The following ZNF396 variants were observed in gnomAD, a reference collection of about 807,000 sequenced individuals.
The protein encoded by ZNF396 is zinc finger and SCAN domain-containing protein 14.
Under a neutral mutation model 20.5 loss-of-function variants are expected in ZNF396, and 14 were observed. The observed-to-expected ratio is 0.68, with a 90% confidence interval of 0.45 to 1.07. The LOEUF (loss-of-function observed/expected upper bound fraction) is 1.07. Among genes scored for constraint, ZNF396 ranks in the 50% least tolerant of loss-of-function variants. The pLI is 0.00. For missense variants in ZNF396, 347 were observed against 390.1 expected (o/e 0.89, Z 0.93); for synonymous variants, 119 against 140.6 (o/e 0.85, Z 1.08).
intron 3 of ZNF396, among the ~76,000 whole-genome samples, chr18:35,370,908 G>A (rs1328538070): frequency 6.6e-6 from 1 of 152,128 alleles, no homozygotes; most frequent in Non-Finnish European, 1.5e-5. Context: ...CTGGGGAGAT[G>A]ACTTGGCTGG....
At position 35,369,475 on chromosome 18, in the gene ZNF396, G is replaced by GT. The variant is rs200991704; in HGVS notation, c.747dup (p.Gln250ThrfsTer5). 1,514 of 1,614,156 alleles carry GT rather than the reference G, an allele frequency of 9.4e-4. 16 individuals carry two copies. The African/African-American group carries it at 0.018, about 19-fold the overall frequency. Reference sequence around the variant, plus strand: ...TTGCCACATTCATCACATTTCTGTTGTTTTTTCCAAGAAGGGTTTCCTTGT... The same window carrying GT: ...TTGCCACATTCATCACATTTCTGTTGTTTTTTTCCAAGAAGGGTTTCCTTGT... On this transcript the variant is annotated frameshift_variant, in exon 4 of 4. Coordinates refer to ENST00000589332, the MANE Select transcript of ZNF396 (RefSeq NM_001322286.2). LOFTEE classifies it low-confidence loss of function (END_TRUNC).
intron 1 of ZNF396, among the ~76,000 whole-genome samples, chr18:35,376,953 G>A (rs1193727462): frequency 7.2e-5 from 11 of 151,952 alleles, no homozygotes; most frequent in African/African-American, 2.2e-4. Flanking sequence ...ACCATCTCCC[G>A]ACCTCCCGCG....
chr18:35,368,604 G>A lies in ZNF396; in HGVS notation c.*611C>T. ...GTAGCTGGGATTACAGGTACACGTTGCCATGCCTGGCTAATTTTTTGAATT... is the reference window on the plus strand; with the variant it reads ...GTAGCTGGGATTACAGGTACACGTTACCATGCCTGGCTAATTTTTTGAATT... On this transcript the variant is annotated 3_prime_UTR_variant, in exon 4 of 4. Transcript: ENST00000589332. 1 of 480,118 alleles carries A rather than the reference G, an allele frequency of 2.1e-6. No individual in the cohort carries two copies. Among genetic ancestry groups the A allele is most frequent in the Non-Finnish European group, 2.8e-6 (1 of 360,064 alleles). 29.7% of individuals were successfully genotyped at this position (480,118 alleles called of 1,614,324 possible). A position where few individuals can be genotyped will look rare whatever the true frequency, so the allele number is the denominator to read the frequency against.
Position 35,368,344 on chromosome 18 carries a change from C to G in ZNF396, c.*871G>C, listed in dbSNP as rs192400489. ...TCTTGTGTGCTTTCATAAGATAAGG[C>G]CTTTATTTATCTGCCTCCTGAAAGT... On this transcript the variant is annotated 3_prime_UTR_variant, in exon 4 of 4. Transcript: ENST00000589332. 212 of 1,424,618 alleles carry G rather than the reference C, an allele frequency of 1.5e-4. No individual in the cohort carries two copies. Among genetic ancestry groups the G allele is most frequent in the Admixed American group, 5.9e-4 (23 of 39,128 alleles). 88.2% of individuals were successfully genotyped at this position (1,424,618 alleles called of 1,614,324 possible).
rs376757290 is a variant in ZNF396 at position 35,372,674 on chromosome 18, A to G, written c.562+782T>C. On this transcript the variant is annotated intron_variant, in intron 3 of 3. Coordinates refer to ENST00000589332, the MANE Select transcript of ZNF396 (RefSeq NM_001322286.2). ...ATCAGAGAGGCCTTTCTACCACTCT[A>G]TATAATAAGATCCTATCCCCACCAT... 2.0e-5 allele frequency: 3 copies of G among 152,184 alleles called. No individual in the cohort carries two copies. In the East Asian group the frequency reaches 5.8e-4, roughly 29 times the overall value. The allele number at this position is 152,184 out of a possible 1,614,324, so 9.4% of individuals were successfully genotyped here.
chr18:35,370,400 A>G (rs1425428978), intron 3 of ZNF396, among the ~76,000 whole-genome samples: 1 of 151,876 alleles, frequency 6.6e-6, no homozygotes, highest in African/African-American at 2.4e-5. Flanking sequence ...CTTATGACTC[A>G]GGGTGCCTAA....
chr18:35,371,790 A>G (rs530373191), intron 3 of ZNF396: 3 of 152,338 alleles, frequency 2.0e-5, no homozygotes, highest in South Asian at 4.1e-4. Context: ...TTTGGAGGAG[A>G]CAAATATTCA....
Position 35,368,223 on chromosome 18 carries a change from T to C in ZNF396, c.*992A>G. On this transcript the variant is annotated 3_prime_UTR_variant, in exon 4 of 4. Coordinates refer to ENST00000589332, the MANE Select transcript of ZNF396 (RefSeq NM_001322286.2). The stretch of plus-strand genomic sequence containing the variant: ...TGACTCCTTGTAGACAAGCAGTCAT[T>C]TTCATGTTTCCATTGACTTATTTCC... 2.3e-6 allele frequency: 1 copy of C among 431,230 alleles called. No individual in the cohort carries two copies. Among genetic ancestry groups the C allele is most frequent in the East Asian group, 3.7e-5 (1 of 26,908 alleles). The allele number at this position is 431,230 out of a possible 1,614,324, so 26.7% of individuals were successfully genotyped here.
chr18:35,372,259 A>C (rs1227022619), intron 3 of ZNF396: 2 of 152,230 alleles, frequency 1.3e-5, no homozygotes, highest in Non-Finnish European at 2.9e-5. Flanking sequence ...CAAGCTGCTG[A>C]GGCTGGGATG....
chr18:35,374,453 G>A lies in ZNF396; in HGVS notation c.-72-89C>T, dbSNP rs2045231233. On this transcript the variant is annotated intron_variant, in intron 1 of 3. Transcript: ENST00000589332. This position sits in a 1 kb window ranked among gnomAD's most constrained non-coding sequence, Gnocchi z 4.3. ...CAACTAAGATTAGAAACATAAGACT[G>A]TATAGGAACTACTGACCTTAGTCTT... 1.6e-6 allele frequency: 1 copy of A among 636,062 alleles called. No individual in the cohort carries two copies. The highest frequency in any genetic ancestry group is 2.8e-5 in the East Asian group (1 of 35,328). The allele number at this position is 636,062 out of a possible 1,614,324, so 39.4% of individuals were successfully genotyped here. A position where few individuals can be genotyped will look rare whatever the true frequency, so the allele number is the denominator to read the frequency against.
At chr18:35,371,700 G>A (rs1168763728) in intron 3 of ZNF396, 1 of 152,152 alleles carries the variant, frequency 6.6e-6, no homozygotes, top group African/African-American at 2.4e-5. Flanking sequence ...ATTTATGAGG[G>A]CAGGGGTGAT....
rs745342325 is a variant in ZNF396, at chr18:35,373,948, A to T, written c.345T>A (p.His115Gln). The T allele has an allele frequency of 6.2e-7, 1 of 1,614,190 alleles. No homozygotes were observed. Among genetic ancestry groups the T allele is most frequent in the East Asian group, 2.2e-5 (1 of 44,880 alleles). ...CAGTTTCCTCTCCATTCTCTGGATG[A>T]TGCTTCTGCACCCAGGCCTGAAGCT... is the stretch of plus-strand genomic sequence containing the variant. Reference protein sequence around the residue: ...PKELQAWVQKHHPENGEETVT... With the variant: ...PKELQAWVQKQHPENGEETVT... The change falls in exon 2 of 4, where the codon CAT becomes CAA. Residue 115 changes from histidine (H) to glutamine (Q), a missense_variant. His to Gln is a conservative substitution (Grantham distance 24). Transcript: ENST00000589332.
rs1056778704 is a variant in ZNF396, at chr18:35,367,274, A to C, written c.*1941T>G. 6.6e-6 allele frequency: 1 copy of C among 152,212 alleles called. No homozygotes were observed. Among genetic ancestry groups the C allele is most frequent in the African/African-American group, 2.4e-5 (1 of 41,466 alleles). The allele number at this position is 152,212 out of a possible 1,614,324, so 9.4% of individuals were successfully genotyped here. A position where few individuals can be genotyped will look rare whatever the true frequency, so the allele number is the denominator to read the frequency against. On this transcript the variant is annotated 3_prime_UTR_variant, in exon 4 of 4. Transcript: ENST00000589332. ...CAGAAAATTCTATAATAAAATTTAC[A>C]TTCACTTCTCCTCCTACTAATCTTA...
chr18:35,371,748 TG>T, intron 3 of ZNF396: 1 of 152,232 alleles, frequency 6.6e-6, no homozygotes, highest in African/African-American at 2.4e-5. Flanking sequence ...TTCTCAATAC[TG>T]CCACACTTGG....
At position 35,373,652 on chromosome 18, in the gene ZNF396, G is replaced by A. The variant is rs574228596; in HGVS notation, c.418-52C>T. ...AGAACACCATCAGGTTGGGACTTGA[G>A]GATAAAATAACAGAGAAGAAACTAT... On this transcript the variant is annotated intron_variant, in intron 2 of 3. Transcript: ENST00000589332. The A allele has an allele frequency of 4.5e-5, 72 of 1,592,022 alleles. No individual in the cohort carries two copies. In the African/African-American group the frequency reaches 8.8e-4, roughly 19 times the overall value.
intron 3 of ZNF396, chr18:35,372,114 T>C (rs1295404467): frequency 6.6e-6 from 1 of 152,136 alleles, no homozygotes; most frequent in African/African-American, 2.4e-5. Context: ...CCTGGACCTG[T>C]TGCATTCTGT....
In ZNF396 at chr18:35,368,993, G is replaced by A. The variant is rs1184396057; in HGVS notation, c.*222C>T. 5 of 1,317,086 alleles carry A rather than the reference G, an allele frequency of 3.8e-6. No homozygotes were observed. In the East Asian group the frequency reaches 1.4e-4, roughly 38 times the overall value. The allele number at this position is 1,317,086 out of a possible 1,614,324, so 81.6% of individuals were successfully genotyped here. On this transcript the variant is annotated 3_prime_UTR_variant, in exon 4 of 4. Transcript: ENST00000589332. ...GCATAGGGATGGAAATCTGAATTAA[G>A]CTTTGGAATTGCAAACGTCAGAATT...
Position 35,368,163 on chromosome 18 carries a change from TTAA to T in ZNF396, c.*1049_*1051del. 1 of 321,408 alleles carries T rather than the reference TTAA, an allele frequency of 3.1e-6. No homozygotes were observed. Among genetic ancestry groups the T allele is most frequent in the Non-Finnish European group, 5.7e-6 (1 of 174,806 alleles). The allele number at this position is 321,408 out of a possible 1,614,324, so 19.9% of individuals were successfully genotyped here. A position where few individuals can be genotyped will look rare whatever the true frequency, so the allele number is the denominator to read the frequency against. On this transcript the variant is annotated 3_prime_UTR_variant, in exon 4 of 4. Transcript: ENST00000589332. ...TCCATCTTACAGAAGCACCCATAGA[TTAA>T]TATTGTTATGAAAACATTCCTTATG...
Position 35,368,298 on chromosome 18 carries a change from T to G in ZNF396, c.*917A>C. ...TTTTTTCCAACACGGGAAATTAACTTGATATTAATAGTATGGAGGCTCTTG... is the reference window on the plus strand; with the variant it reads ...TTTTTTCCAACACGGGAAATTAACTGGATATTAATAGTATGGAGGCTCTTG... On this transcript the variant is annotated 3_prime_UTR_variant, in exon 4 of 4. Coordinates refer to ENST00000589332, the MANE Select transcript of ZNF396 (RefSeq NM_001322286.2). 188 of 1,010,878 alleles carry G rather than the reference T, an allele frequency of 1.9e-4. No individual in the cohort carries two copies. The highest frequency in any genetic ancestry group is 2.4e-4 in the Non-Finnish European group (174 of 726,878). 62.6% of individuals were successfully genotyped at this position (1,010,878 alleles called of 1,614,324 possible). A position where few individuals can be genotyped will look rare whatever the true frequency, so the allele number is the denominator to read the frequency against.
Sources: gnomAD v4.1 joint callset for allele counts (sites outside exome capture counted in the v4.1 genomes callset) on GRCh38, gnomAD v4.1.1 for gene constraint, Gnocchi (gnomAD v3.1) non-coding constraint, MANE v1.5 for transcripts, NCBI Gene and HGNC (gene_info 2026-07-23, HGNC 2026-07-21) for gene names.